Variants in PPL observed in about 807,000 individuals in gnomAD.
The protein encoded by PPL is periplakin, also known as 190 kDa paraneoplastic pemphigus antigen.
PPL carries 198 observed loss-of-function variants against 194.4 expected under a neutral mutation model. That is an observed-to-expected ratio of 1.02 (90% CI 0.91 to 1.15). The LOEUF (loss-of-function observed/expected upper bound fraction) is 1.15. Among genes scored for constraint, PPL ranks in the 50% most tolerant of loss-of-function variants. The pLI is 0.00. For synonymous variants in PPL, 1,220 were observed against 972.4 expected (o/e 1.25, Z -4.74); for missense variants, 2,885 against 2,294.8 (o/e 1.26, Z -5.25).
intron 8 of PPL, among the ~76,000 whole-genome samples, 177 bp downstream of exon 8, chr16:4,898,836 C>T (rs552183225): frequency 9.8e-5 from 15 of 152,320 alleles, no homozygotes; most frequent in Non-Finnish European, 1.6e-4. Flanking sequence ...GAAGTGTCAA[C>T]GGATCAGGAT....
intron 1 of PPL, among the ~76,000 whole-genome samples, chr16:4,926,900 A>AAAAC (rs2089165627): frequency 6.6e-6 from 1 of 150,630 alleles, no homozygotes; most frequent in Non-Finnish European, 1.5e-5. Flanking sequence ...AAACAAAAAA[A>AAAAC]AACCAAAAAC....
At chr16:4,935,225 C>T (rs768229546) in intron 1 of PPL, among the ~76,000 whole-genome samples, 2 of 152,184 alleles carry the variant, frequency 1.3e-5, no homozygotes, top group Non-Finnish European at 2.9e-5. Flanking sequence ...CCGCACCCCT[C>T]CCAGCTTGTC....
chr16:4,899,906 G>T (rs994332487), intron 6 of PPL, among the ~76,000 whole-genome samples: 2 of 152,322 alleles, frequency 1.3e-5, no homozygotes, highest in Middle Eastern at 3.4e-3. Flanking sequence ...GGAAAGGAGG[G>T]ATGTTTGCAT....
chr16:4,914,461 G>A (rs1219543082), intron 1 of PPL, among the ~76,000 whole-genome samples: 1 of 152,208 alleles, frequency 6.6e-6, no homozygotes, highest in Admixed American at 6.5e-5. Context: ...CAGCCAACAT[G>A]CTGGGGATCC....
chr16:4,885,295 C>T lies in PPL; in HGVS notation c.3360G>A (p.Val1120=), dbSNP rs773222801. 1.9e-6 allele frequency: 3 copies of T among 1,599,616 alleles called. No homozygotes were observed. Among genetic ancestry groups the T allele is most frequent in the African/African-American group, 2.8e-5 (2 of 71,214 alleles). Residue 1120 remains valine (V), a synonymous_variant, in exon 22 of 22, where the codon GTG becomes GTA. Transcript: ENST00000345988. The surrounding 1 kb of genome is among the most constrained non-coding windows in gnomAD (Gnocchi z 6.3). ...CCCTCTCGGTGGCCGCGTCCTTCTC[C>T]ACCTTGAGCACCTCCTTGACGGTGA... ...GKITVKEVLK[V]EKDAATEREV... is the part of the protein sequence containing the mutation.
At chr16:4,908,960 A>C (rs62036155) in intron 2 of PPL, among the ~76,000 whole-genome samples, 9,603 of 152,314 alleles carry the variant, frequency 0.063, 497 homozygotes, top group African/African-American at 0.14. Flanking sequence ...TTTCCATTTA[A>C]GAAGGAAAGA....
chr16:4,892,437 A>G (rs1330783412), intron 14 of PPL, among the ~76,000 whole-genome samples: 2 of 152,226 alleles, frequency 1.3e-5, no homozygotes, highest in Non-Finnish European at 2.9e-5. Flanking sequence ...TAGTGACACC[A>G]GAAGCACCCA....
chr16:4,911,156 C>CTTTT (rs34229581), intron 1 of PPL, among the ~76,000 whole-genome samples: 26 of 85,898 alleles, frequency 3.0e-4, no homozygotes, highest in Admixed American at 5.5e-4. Flanking sequence ...GGTCAGCCTC[C>CTTTT]TTTTTTTTTT....
At chr16:4,905,615 T>C (rs2088666136) in intron 2 of PPL, among the ~76,000 whole-genome samples, 1 of 152,210 alleles carries the variant, frequency 6.6e-6, no homozygotes, top group African/African-American at 2.4e-5. Context: ...CAGTTGTTTT[T>C]TAAAAAGAAA....
intron 1 of PPL, among the ~76,000 whole-genome samples, chr16:4,924,425 C>T (rs1254191192): frequency 1.3e-5 from 2 of 152,200 alleles, no homozygotes; most frequent in Non-Finnish European, 2.9e-5. Context: ...ACCTGCTTTG[C>T]TCTAAGCCCG....
At chr16:4,903,285 G>C (rs1367288889) in intron 3 of PPL, among the ~76,000 whole-genome samples, 1 of 152,122 alleles carries the variant, frequency 6.6e-6, no homozygotes, top group Non-Finnish European at 1.5e-5. Context: ...GGAAGCCAGG[G>C]ACAGGGCACC....
Position 4,885,132 on chromosome 16 carries a change from G to C in PPL, c.3523C>G (p.Arg1175Gly). 1 of 1,613,896 alleles carries C rather than the reference G, an allele frequency of 6.2e-7. No homozygotes were observed. Among genetic ancestry groups the C allele is most frequent in the Non-Finnish European group, 8.5e-7 (1 of 1,180,002 alleles). ...NAKVVVQEKV[R>G]EIVRPDPKAE... The stretch of plus-strand genomic sequence containing the variant: ...TTGGGGTCTGGCCGCACGATCTCCC[G>C]CACCTTCTCCTGCACCACCACTTTG... Residue 1175 changes from arginine to glycine, a missense_variant, in exon 22 of 22, where the codon CGG (arginine) becomes GGG (glycine). By Grantham distance (125) the Arg-to-Gly change is moderately radical. Coordinates refer to ENST00000345988, the MANE Select transcript of PPL (RefSeq NM_002705.5). The surrounding 1 kb of genome is among the most constrained non-coding windows in gnomAD (Gnocchi z 6.3).
intron 1 of PPL, among the ~76,000 whole-genome samples, chr16:4,918,922 G>A (rs2088980910): frequency 6.6e-6 from 1 of 152,162 alleles, no homozygotes; most frequent in Non-Finnish European, 1.5e-5. Context: ...TTTTCATCTC[G>A]GTAATGAGCC....
Position 4,893,219 on chromosome 16 carries a change from G to A in PPL, c.1644C>T (p.Asp548=), listed in dbSNP as rs891037139. The stretch of plus-strand genomic sequence containing the variant: ...GCTCCTGACCCGCAGGTACCTTGAG[G>A]TCCTTGGCCCGCTCGGCACTGTCCT... ...AVQDSAERAK[D]LKNITNELLR... is the part of the protein sequence containing the mutation. Residue 548 remains aspartate, a synonymous_variant, in exon 14 of 22, where the codon GAC becomes GAT. Transcript: ENST00000345988. The A allele has an allele frequency of 3.2e-6, 5 of 1,565,746 alleles. No homozygotes were observed. The highest frequency in any genetic ancestry group is 4.3e-6 in the Non-Finnish European group (5 of 1,159,588).
intron 18 of PPL, among the ~76,000 whole-genome samples, 179 bp from the exon 19 acceptor site, chr16:4,889,240 TG>T (rs1387356104): frequency 0.016 from 775 of 49,732 alleles, 34 homozygotes; most frequent in African/African-American, 0.019. Flanking sequence ...TTGTTGTTGT[TG>T]TTTTTTTTTT....
At chr16:4,903,847 C>T in intron 3 of PPL, 39 bp downstream of exon 3, 1 of 1,609,854 alleles carries the variant, frequency 6.2e-7, no homozygotes, top group Non-Finnish European at 8.5e-7. Context: ...CCCATAGCCC[C>T]CAATGGCTCC....
chr16:4,909,654 C>A (rs112638728), intron 2 of PPL, among the ~76,000 whole-genome samples: 1 of 151,768 alleles, frequency 6.6e-6, no homozygotes, highest in Non-Finnish European at 1.5e-5. Context: ...CTCAAACTCC[C>A]GACCTCAAGT....
chr16:4,933,262 G>C (rs1467791477), intron 1 of PPL, among the ~76,000 whole-genome samples: 1 of 152,040 alleles, frequency 6.6e-6, no homozygotes, highest in Non-Finnish European at 1.5e-5. Flanking sequence ...TCCCCTCAAA[G>C]CCTGGGGTCC....
intron 2 of PPL, 78 bp downstream of exon 2, chr16:4,910,772 G>A (rs1000637638): frequency 1.3e-5 from 16 of 1,274,534 alleles, no homozygotes; most frequent in East Asian, 9.3e-5. Flanking sequence ...GAGAATCACC[G>A]ATTCCAAACA....
Sources: gnomAD v4.1 joint callset for allele counts (sites outside exome capture counted in the v4.1 genomes callset) on GRCh38, gnomAD v4.1.1 for gene constraint, Gnocchi (gnomAD v3.1) non-coding constraint, MANE v1.5 for transcripts, NCBI Gene and HGNC (gene_info 2026-07-23, HGNC 2026-07-21) for gene names.